TENT4B: variants seen among roughly 807,000 people sequenced by gnomAD.
TENT4B encodes PAP associated domain containing 5.
In TENT4B, 10 loss-of-function variants were observed where a neutral mutation model predicts 75.0. The ratio of observed to expected loss-of-function variants is 0.13; its 90% CI spans 0.08 to 0.23. The LOEUF (loss-of-function observed/expected upper bound fraction) is 0.23. Among genes scored for constraint, TENT4B ranks in the 10% least tolerant of loss-of-function variants. The pLI, the probability that TENT4B is intolerant of heterozygous loss-of-function variation, is 1.00. For missense variants in TENT4B, 579 were observed against 893.8 expected, an observed-to-expected ratio of 0.65 and a Z score of 4.49; for synonymous variants, 350 against 357.7, an observed-to-expected ratio of 0.98 and a Z score of 0.24.
intron 1 of TENT4B, among the ~76,000 whole-genome samples, chr16:50,197,971 G>C (rs189201474): frequency 1.3e-5 from 2 of 152,104 alleles, no homozygotes; most frequent in Admixed American, 6.6e-5. Context: ...CATTAAATCC[G>C]TAACAAGACA....
rs1253695516 is a variant in TENT4B at position 50,154,196 on chromosome 16, G to A, written c.575G>A (p.Gly192Asp). The change falls in exon 1 of 12, where the codon GGC (glycine) becomes GAC (aspartate). Residue 192 changes from glycine (G) to aspartate (D), a missense_variant. Physicochemically the swap from Gly to Asp is moderately conservative, Grantham distance 94. This residue lies in a region of TENT4B where 253 missense variants were observed against 270.1 expected (regional missense o/e 0.94). Transcript: ENST00000561678. Reference sequence around the variant, plus strand: ...GCCGCGGGGGGCGGCCGAGCAGACGGCGGCGGGGTCGTGTACAGCGGGACC... The same window carrying A: ...GCCGCGGGGGGCGGCCGAGCAGACGACGGCGGGGTCGTGTACAGCGGGACC... ...GRAAGGGRAD[G>D]GGVVYSGTPW... is the part of the protein sequence containing the mutation. The A allele has an allele frequency of 1.3e-5, 19 of 1,504,084 alleles. No homozygotes were observed. Among genetic ancestry groups the A allele is most frequent in the Admixed American group, 4.5e-5 (2 of 44,728 alleles). 93.2% of individuals were successfully genotyped at this position (1,504,084 alleles called of 1,614,324 possible). A position where few individuals can be genotyped will look rare whatever the true frequency, so the allele number is the denominator to read the frequency against.
At chr16:50,218,471 G>T (rs1165238352) in intron 5 of TENT4B, among the ~76,000 whole-genome samples, 2 of 151,902 alleles carry the variant, frequency 1.3e-5, no homozygotes, top group African/African-American at 2.4e-5. Context: ...TGAGTACCTG[G>T]GACTCGTGCC....
intron 1 of TENT4B, among the ~76,000 whole-genome samples, chr16:50,207,488 T>G (rs1370511512): frequency 1.3e-5 from 2 of 152,192 alleles, no homozygotes; most frequent in East Asian, 3.9e-4. Flanking sequence ...CGAGCCACTT[T>G]TCCTTTTAAC....
Position 50,234,494 on chromosome 16 carries a change from A to G in TENT4B, c.*5166A>G. On this transcript the variant is annotated 3_prime_UTR_variant, in exon 12 of 12. Coordinates refer to ENST00000561678, the MANE Select transcript of TENT4B (RefSeq NM_001365324.3). Reference sequence around the variant, plus strand: ...TTTCAGTTTGGGTTCTGTGCTATTCATAGTTCTTCCCTAAGACCATTTCAT... The same window carrying G: ...TTTCAGTTTGGGTTCTGTGCTATTCGTAGTTCTTCCCTAAGACCATTTCAT... 1 of 984,910 alleles carries G rather than the reference A, an allele frequency of 1.0e-6. No individual in the cohort carries two copies. The highest frequency in any genetic ancestry group is 1.2e-6 in the Non-Finnish European group (1 of 829,444). The allele number at this position is 984,910 out of a possible 1,614,324, so 61.0% of individuals were successfully genotyped here.
At chr16:50,226,776 A>G (rs2150750821) in intron 10 of TENT4B, among the ~76,000 whole-genome samples, 1 of 152,340 alleles carries the variant, frequency 6.6e-6, no homozygotes, top group East Asian at 1.9e-4. Flanking sequence ...TGTACAATTC[A>G]GTGGTTTTTA....
intron 1 of TENT4B, among the ~76,000 whole-genome samples, chr16:50,158,970 G>A (rs1200355021): frequency 6.6e-6 from 1 of 152,144 alleles, no homozygotes; most frequent in African/African-American, 2.4e-5. Flanking sequence ...TGGAAATAAG[G>A]GCCAGAAGGA....
rs933474565 is a variant in TENT4B, at chr16:50,234,989, A to G, written c.*5661A>G. ...GTGCTGGAGGTTTGAATCATCTTGA[A>G]AACTTTCCAATCTTGTCTAGTTACC... On this transcript the variant is annotated 3_prime_UTR_variant, in exon 12 of 12. Transcript: ENST00000561678. 4 of 985,854 alleles carry G rather than the reference A, an allele frequency of 4.1e-6. No individual in the cohort carries two copies. Among genetic ancestry groups the G allele is most frequent in the Non-Finnish European group, 1.2e-6 (1 of 829,926 alleles). The allele number at this position is 985,854 out of a possible 1,614,324, so 61.1% of individuals were successfully genotyped here.
intron 4 of TENT4B, 89 bp from the exon 5 acceptor site, chr16:50,217,467 G>T: frequency 1.5e-6 from 1 of 659,754 alleles, no homozygotes; most frequent in Non-Finnish European, 2.5e-6. Flanking sequence ...TGAGATGATG[G>T]AGACCTCATG....
chr16:50,183,646 C>T (rs1425123209), intron 1 of TENT4B, among the ~76,000 whole-genome samples: 1 of 151,250 alleles, frequency 6.6e-6, no homozygotes, highest in East Asian at 1.9e-4. Flanking sequence ...AATTGTGTGT[C>T]CTTGGCCAGA....
At chr16:50,217,512 A>T in intron 4 of TENT4B, 44 bp from the exon 5 acceptor site, 1 of 1,061,408 alleles carries the variant, frequency 9.4e-7, no homozygotes, top group Non-Finnish European at 1.3e-6. Flanking sequence ...TTTATCATTT[A>T]ATCTGGTTAA....
intron 1 of TENT4B, among the ~76,000 whole-genome samples, chr16:50,178,290 C>T (rs983942582): frequency 6.6e-6 from 1 of 151,602 alleles, no homozygotes; most frequent in Non-Finnish European, 1.5e-5. Flanking sequence ...ACTTCACTTG[C>T]ACAACAAATT....
intron 1 of TENT4B, among the ~76,000 whole-genome samples, chr16:50,183,524 T>C (rs1036745614): frequency 7.3e-6 from 1 of 136,298 alleles, no homozygotes; most frequent in African/African-American, 3.4e-5. Context: ...AAAAACCCTT[T>C]TTTTTTTTTT....
chr16:50,156,589 C>G (rs1448046575), intron 1 of TENT4B, among the ~76,000 whole-genome samples: 1 of 152,068 alleles, frequency 6.6e-6, no homozygotes, highest in Non-Finnish European at 1.5e-5. Flanking sequence ...GGTGATCTGC[C>G]CGTCTTGGCC....
chr16:50,217,960 G>A (rs1242545933), intron 5 of TENT4B, among the ~76,000 whole-genome samples: 2 of 148,092 alleles, frequency 1.4e-5, no homozygotes, highest in Non-Finnish European at 3.0e-5. Flanking sequence ...TTTTTTTAGT[G>A]TTGGGGTCTC....
intron 1 of TENT4B, among the ~76,000 whole-genome samples, chr16:50,200,790 GTTTTTTATTTTTT>G (rs1298687297): frequency 6.6e-6 from 1 of 150,448 alleles, no homozygotes; most frequent in Non-Finnish European, 1.5e-5. Flanking sequence ...TTATTTTTGT[GTTTTTTATTTTTT>G]TTTTTTATTG....
chr16:50,179,191 C>A (rs540697302), intron 1 of TENT4B, among the ~76,000 whole-genome samples: 5 of 152,016 alleles, frequency 3.3e-5, no homozygotes, highest in African/African-American at 1.2e-4. Context: ...GGAGAAACCC[C>A]GTCTCTACTA....
At chr16:50,186,627 T>C (rs561383671) in intron 1 of TENT4B, among the ~76,000 whole-genome samples, 189 of 152,338 alleles carry the variant, frequency 1.2e-3, no homozygotes, top group Non-Finnish European at 5.9e-4. Context: ...GATCATATGA[T>C]AATTCTATGT....
chr16:50,167,213 G>A (rs1489800321), intron 1 of TENT4B, among the ~76,000 whole-genome samples: 1 of 152,108 alleles, frequency 6.6e-6, no homozygotes, highest in Non-Finnish European at 1.5e-5. Context: ...CAGCTGATGA[G>A]CTAAAAAAAG....
At chr16:50,169,016 G>C (rs1277852884) in intron 1 of TENT4B, among the ~76,000 whole-genome samples, 1 of 152,060 alleles carries the variant, frequency 6.6e-6, no homozygotes, top group Admixed American at 6.6e-5. Context: ...AGGCATAATC[G>C]TAACACCATT....
Sources: gnomAD v4.1 joint callset for allele counts (sites outside exome capture counted in the v4.1 genomes callset) on GRCh38, gnomAD v4.1.1 for gene constraint, gnomAD v4.1.1 regional missense constraint, MANE v1.5 for transcripts, NCBI Gene and HGNC (gene_info 2026-07-23, HGNC 2026-07-21) for gene names.